The following SSBP3 variants were observed in gnomAD, a reference collection of about 807,000 sequenced individuals.
The protein encoded by SSBP3 is single stranded DNA binding protein 3, also known as single-stranded DNA-binding protein 3.
Under a neutral mutation model 69.6 loss-of-function variants are expected in SSBP3, and 5 were observed. That is an observed-to-expected ratio of 0.07 (90% CI 0.04 to 0.15). The LOEUF is 0.15. Among genes scored for constraint, SSBP3 ranks in the 10% least tolerant of loss-of-function variants. The pLI, the probability that SSBP3 is intolerant of heterozygous loss-of-function variation, is 1.00. For missense variants in SSBP3, 312 were observed against 534.0 expected, an observed-to-expected ratio of 0.58 and a Z score of 4.10; for synonymous variants, 196 against 193.4, an observed-to-expected ratio of 1.01 and a Z score of -0.11.
intron 4 of SSBP3, among the ~76,000 whole-genome samples, chr1:54,339,758 C>A (rs761711869): frequency 2.0e-5 from 3 of 151,868 alleles, no homozygotes; most frequent in Non-Finnish European, 4.4e-5. Context: ...ACTAAAAATA[C>A]AAAAATTAGC....
intron 4 of SSBP3, among the ~76,000 whole-genome samples, chr1:54,307,437 C>T (rs1319603720): frequency 6.6e-6 from 1 of 152,210 alleles, no homozygotes; most frequent in African/African-American, 2.4e-5. Context: ...AGAATCTACA[C>T]TCCCTTACTA....
chr1:54,367,562 C>CAG (rs1342264794), intron 4 of SSBP3, among the ~76,000 whole-genome samples: 1 of 152,222 alleles, frequency 6.6e-6, no homozygotes, highest in Non-Finnish European at 1.5e-5. Context: ...GGACGAGGGG[C>CAG]AGAGTCCCAG....
chr1:54,373,102 C>A (rs573889478), intron 4 of SSBP3, among the ~76,000 whole-genome samples: 99 of 152,316 alleles, frequency 6.5e-4, no homozygotes, highest in Non-Finnish European at 1.2e-3. Context: ...CCCGCATAAC[C>A]TCCTGGCACA....
At chr1:54,233,943 T>C (rs11206310) in intron 14 of SSBP3, among the ~76,000 whole-genome samples, 42,400 of 151,498 alleles carry the variant, frequency 0.28, 5,816 homozygotes, top group Non-Finnish European at 0.31. Context: ...AGAAATCGGA[T>C]GGTTGCCGTG....
chr1:54,255,159 G>A (rs1256935812), intron 7 of SSBP3, among the ~76,000 whole-genome samples: 2 of 37,228 alleles, frequency 5.4e-5, no homozygotes, highest in Admixed American at 2.8e-4. Context: ...GCGGGGGGGC[G>A]GGGGGGGGGG....
chr1:54,299,073 C>T (rs1645753982), intron 4 of SSBP3, among the ~76,000 whole-genome samples: 1 of 152,054 alleles, frequency 6.6e-6, no homozygotes. Context: ...AGGGTTCGTG[C>T]TTGGTTGTTA....
intron 4 of SSBP3, among the ~76,000 whole-genome samples, chr1:54,347,216 C>A (rs1646704065): frequency 6.6e-6 from 1 of 152,218 alleles, no homozygotes; most frequent in South Asian, 2.1e-4. Flanking sequence ...AACCCTCCCA[C>A]CTTGGCCTCC....
At chr1:54,269,693 C>T (rs1645160656) in intron 5 of SSBP3, among the ~76,000 whole-genome samples, 1 of 152,226 alleles carries the variant, frequency 6.6e-6, no homozygotes, top group Non-Finnish European at 1.5e-5. Context: ...AAGGCTGCAG[C>T]CTATAGAACA....
At chr1:54,293,573 T>C (rs1645646242) in intron 4 of SSBP3, among the ~76,000 whole-genome samples, 1 of 152,218 alleles carries the variant, frequency 6.6e-6, no homozygotes. Context: ...AGGCCTTTCT[T>C]TCACACATAT....
chr1:54,250,322 C>T (rs920046466), intron 9 of SSBP3, among the ~76,000 whole-genome samples: 1 of 152,202 alleles, frequency 6.6e-6, no homozygotes, highest in Non-Finnish European at 1.5e-5. Context: ...TCTTTCAACA[C>T]CACAGATGTT....
intron 13 of SSBP3, among the ~76,000 whole-genome samples, chr1:54,240,107 T>TGTGCGCGCGCGCGCGTGTGCGTGC (rs1553123256): frequency 7.4e-6 from 1 of 134,574 alleles, no homozygotes; most frequent in Non-Finnish European, 1.6e-5. Context: ...CGCGTGTGCG[T>TGTGCGCGCGCGCGCGTGTGCGTGC]GCGCGCGCGC....
intron 4 of SSBP3, among the ~76,000 whole-genome samples, chr1:54,373,290 T>C (rs1647165721): frequency 2.6e-5 from 4 of 152,140 alleles, no homozygotes; most frequent in Admixed American, 2.6e-4. Context: ...GGGGCCCCTT[T>C]CTGTCAATCA....
intron 13 of SSBP3, among the ~76,000 whole-genome samples, chr1:54,240,489 GGGA>G: frequency 8.1e-6 from 1 of 122,704 alleles, no homozygotes; most frequent in South Asian, 3.2e-4. Context: ...GGGGGCGGGG[GGGA>G]GAAGGGATCT....
At chr1:54,320,208 G>T (rs1646187738) in intron 4 of SSBP3, among the ~76,000 whole-genome samples, 1 of 152,222 alleles carries the variant, frequency 6.6e-6, no homozygotes, top group African/African-American at 2.4e-5. Flanking sequence ...CAGTTTCAGA[G>T]ATGAGAAATG....
intron 5 of SSBP3, among the ~76,000 whole-genome samples, chr1:54,279,105 G>T (rs1218441665): frequency 6.6e-6 from 1 of 152,122 alleles, no homozygotes; most frequent in African/African-American, 2.4e-5. Context: ...GCCGGGAAGT[G>T]AGAGAAAGGA....
At chr1:54,341,146 G>A (rs1446723450) in intron 4 of SSBP3, among the ~76,000 whole-genome samples, 3 of 152,194 alleles carry the variant, frequency 2.0e-5, no homozygotes, top group Non-Finnish European at 4.4e-5. Flanking sequence ...ATTAAACTGA[G>A]GCTCAAGTAG....
intron 1 of SSBP3, among the ~76,000 whole-genome samples, chr1:54,411,895 A>T (rs1650003897): frequency 1.3e-5 from 2 of 150,236 alleles, no homozygotes; most frequent in African/African-American, 4.9e-5. Flanking sequence ...CCGTCTCAAA[A>T]AAAAAAAAAA....
chr1:54,400,653 C>T (rs1649229918), intron 4 of SSBP3, among the ~76,000 whole-genome samples: 1 of 152,202 alleles, frequency 6.6e-6, no homozygotes, highest in African/African-American at 2.4e-5. Flanking sequence ...ATTCCAAGAG[C>T]ATTAACTTTT....
chr1:54,292,981 T>C (rs1057024271), intron 4 of SSBP3, among the ~76,000 whole-genome samples: 1 of 151,974 alleles, frequency 6.6e-6, no homozygotes, highest in Admixed American at 6.6e-5. Context: ...GGTGACTGGA[T>C]GGTTTGCTCC....
Sources: gnomAD v4.1 joint callset for allele counts (sites outside exome capture counted in the v4.1 genomes callset) on GRCh38, gnomAD v4.1.1 for gene constraint, MANE v1.5 for transcripts, NCBI Gene and HGNC (gene_info 2026-07-23, HGNC 2026-07-21) for gene names.